The following SYCP2 variants were observed in gnomAD, a reference collection of about 807,000 sequenced individuals.
SYCP2 encodes the protein synaptonemal complex protein 2.
A neutral mutation model predicts 211.3 loss-of-function variants in SYCP2; 55 were observed. That is an observed-to-expected ratio of 0.26 (90% CI 0.21 to 0.33). The LOEUF (loss-of-function observed/expected upper bound fraction) is 0.33, where lower values mean the gene tolerates loss of function less well. Among genes scored for constraint, SYCP2 ranks in the 10% least tolerant of loss-of-function variants. The pLI, the probability that SYCP2 is intolerant of heterozygous loss-of-function variation, is 1.00. For synonymous variants in SYCP2, 570 were observed against 555.2 expected (o/e 1.03, Z -0.37); for missense variants, 1,731 against 1,752.0 (o/e 0.99, Z 0.21).
intron 24 of SYCP2, among the ~76,000 whole-genome samples, chr20:59,891,146 C>G (rs1166119917): frequency 1.3e-5 from 2 of 151,930 alleles, no homozygotes; most frequent in Non-Finnish European, 2.9e-5. Context: ...TTTACATTGA[C>G]TCTAGAAATT....
At chr20:59,867,258 A>G (rs964627064) in intron 39 of SYCP2, among the ~76,000 whole-genome samples, 1 of 151,642 alleles carries the variant, frequency 6.6e-6, no homozygotes, top group African/African-American at 2.4e-5. Context: ...CTGTTTTAAA[A>G]AGCATTTTTG....
intron 2 of SYCP2, among the ~76,000 whole-genome samples, chr20:59,923,324 G>A (rs747515355): frequency 9.2e-5 from 14 of 151,858 alleles, no homozygotes; most frequent in Non-Finnish European, 1.3e-4. Flanking sequence ...TCAAAGCTCT[G>A]TATCCCTATT....
intron 36 of SYCP2, among the ~76,000 whole-genome samples, chr20:59,869,583 C>T (rs879883864): frequency 2.0e-5 from 3 of 151,686 alleles, no homozygotes; most frequent in African/African-American, 7.3e-5. Flanking sequence ...CTATTTAAGA[C>T]CTTACTACTC....
intron 31 of SYCP2, among the ~76,000 whole-genome samples, chr20:59,878,529 CAATTT>C (rs1453884539): frequency 6.6e-6 from 1 of 152,102 alleles, no homozygotes; most frequent in Non-Finnish European, 1.5e-5. Context: ...ATCTACCACT[CAATTT>C]AAGAACCAGA....
intron 42 of SYCP2, 73 bp from the exon 43 acceptor site, chr20:59,865,724 ATAATTT>A: frequency 1.9e-6 from 2 of 1,068,540 alleles, no homozygotes; most frequent in Middle Eastern, 3.2e-4. Flanking sequence ...TATAGTATAT[ATAATTT>A]TAATTTTTCA....
At chr20:59,932,609 G>A (rs898437631) in intron 1 of SYCP2, among the ~76,000 whole-genome samples, 3 of 151,622 alleles carry the variant, frequency 2.0e-5, no homozygotes, top group Non-Finnish European at 2.9e-5. Context: ...GGAAGATGGA[G>A]GTTGCAGTGA....
chr20:59,899,890 TTATC>T (rs1055242826), intron 18 of SYCP2, among the ~76,000 whole-genome samples: 77 of 152,310 alleles, frequency 5.1e-4, no homozygotes, highest in African/African-American at 1.7e-3. Flanking sequence ...GAAGGTTATC[TTATC>T]TATCTCTAAT....
chr20:59,903,388 A>G (rs1006539613), intron 15 of SYCP2, among the ~76,000 whole-genome samples: 5 of 152,256 alleles, frequency 3.3e-5, no homozygotes, highest in South Asian at 4.1e-4. Flanking sequence ...AAAATTAGCT[A>G]TGAATGGGGA....
chr20:59,924,469 T>C (rs1367460095), intron 2 of SYCP2, among the ~76,000 whole-genome samples: 1 of 151,934 alleles, frequency 6.6e-6, no homozygotes. Context: ...ACAACTCCAA[T>C]TAAAAGGCAG....
At chr20:59,924,741 A>G (rs1275354427) in intron 2 of SYCP2, among the ~76,000 whole-genome samples, 1 of 152,036 alleles carries the variant, frequency 6.6e-6, no homozygotes, top group Non-Finnish European at 1.5e-5. Flanking sequence ...AAGAAAAGAT[A>G]GCTACCACAC....
At chr20:59,906,750 T>A (rs975791820) in intron 15 of SYCP2, among the ~76,000 whole-genome samples, 9 of 151,858 alleles carry the variant, frequency 5.9e-5, no homozygotes, top group African/African-American at 1.9e-4. Context: ...AAGATACAAT[T>A]TTGGAGAAAA....
At chr20:59,916,732 G>A (rs773883315) in intron 7 of SYCP2, among the ~76,000 whole-genome samples, 161 bp from the exon 8 acceptor site, 3 of 152,012 alleles carry the variant, frequency 2.0e-5, no homozygotes, top group Non-Finnish European at 4.4e-5. Context: ...TTGAGCCCAG[G>A]AGTTTGAGAC....
chr20:59,892,385 A>T lies in SYCP2; in HGVS notation c.1969T>A (p.Ser657Thr). 6.4e-7 allele frequency: 1 copy of T among 1,567,080 alleles called. No individual in the cohort carries two copies. The highest frequency in any genetic ancestry group is 8.7e-7 in the Non-Finnish European group (1 of 1,152,868). ...TCAGAATTATGATCAGATATTGAAG[A>T]GGATGATTTTTGTTTAGTAAGTTTT... ...NKKLTKQKSSSSISDHNSEGT... is the reference protein window; with the variant it reads ...NKKLTKQKSSTSISDHNSEGT... The change falls in exon 24 of 45, where the codon TCT becomes ACT. Residue 657 changes from serine (S) to threonine (T), a missense_variant. This residue lies in a region of SYCP2 where 1,387 missense variants were observed against 1,351.3 expected (regional missense o/e 1.03). Transcript: ENST00000357552.
chr20:59,866,645 A>C, intron 39 of SYCP2, 56 bp from the exon 40 acceptor site: 1 of 1,134,920 alleles, frequency 8.8e-7, no homozygotes, highest in Non-Finnish European at 1.3e-6. Context: ...ACTCTAACCA[A>C]GACTACAGTA....
intron 31 of SYCP2, among the ~76,000 whole-genome samples, chr20:59,878,728 TATA>T (rs1262675454): frequency 2.0e-5 from 3 of 152,176 alleles, no homozygotes; most frequent in African/African-American, 4.8e-5. Context: ...TCATGTCCTG[TATA>T]ATATCCTACG....
In SYCP2 at chr20:59,923,908, T is replaced by C. The variant is rs1035982201; in HGVS notation, c.-46-1449A>G. On this transcript the variant is annotated intron_variant, in intron 2 of 44. Coordinates refer to ENST00000357552, the MANE Select transcript of SYCP2 (RefSeq NM_014258.4). ...ACAAAGTAAGGTGATAGATTAAAAGTTACATATCAATAATTACATTGAAAG... is the reference window on the plus strand; with the variant it reads ...ACAAAGTAAGGTGATAGATTAAAAGCTACATATCAATAATTACATTGAAAG... 2.6e-5 allele frequency among the ~76,000 whole-genome samples: 4 copies of C among 151,686 alleles called. No individual in the cohort carries two copies. The South Asian group carries it at 8.3e-4, about 32-fold the overall frequency.
chr20:59,883,138 C>G (rs1206282608), intron 26 of SYCP2, among the ~76,000 whole-genome samples: 1 of 152,160 alleles, frequency 6.6e-6, no homozygotes, highest in African/African-American at 2.4e-5. Context: ...CACCTGAGGT[C>G]AGGAGTTCAA....
chr20:59,908,414 A>C (rs929222085), intron 14 of SYCP2, among the ~76,000 whole-genome samples: 11 of 152,070 alleles, frequency 7.2e-5, no homozygotes, highest in African/African-American at 2.7e-4. Context: ...TGACATCACC[A>C]CCTTTTTCCC....
At chr20:59,883,895 A>G (rs904547992) in intron 26 of SYCP2, among the ~76,000 whole-genome samples, 1 of 152,076 alleles carries the variant, frequency 6.6e-6, no homozygotes, top group Non-Finnish European at 1.5e-5. Context: ...TGCTAAGAGT[A>G]GATTTTATGC....
Sources: allele counts gnomAD v4.1 joint callset (sites outside exome capture counted in the v4.1 genomes callset), GRCh38; gene constraint gnomAD v4.1.1; regional missense constraint gnomAD v4.1.1; transcripts MANE v1.5; gene names NCBI Gene and HGNC (gene_info 2026-07-23, HGNC 2026-07-21).